DNM3: variants seen among roughly 807,000 people sequenced by gnomAD.
DNM3 encodes dynamin-3.
Under a neutral mutation model 101.6 loss-of-function variants are expected in DNM3, and 47 were observed. The observed-to-expected ratio is 0.46, with a 90% CI of 0.37 to 0.59. The LOEUF (loss-of-function observed/expected upper bound fraction) is 0.59, where lower values mean the gene tolerates loss of function less well. DNM3 is among the 20% of genes least tolerant of loss of function. DNM3 has a pLI of 0.00. For missense variants in DNM3, 849 were observed against 1,085.7 expected (o/e 0.78, Z 3.06); for synonymous variants, 385 against 387.9 (o/e 0.99, Z 0.09).
intron 17 of DNM3, among the ~76,000 whole-genome samples, chr1:172,346,941 G>A (rs1486695270): frequency 6.6e-6 from 1 of 152,068 alleles, no homozygotes; most frequent in African/African-American, 2.4e-5. Flanking sequence ...ACTGTATCCT[G>A]GTCTAAGAAT....
intron 14 of DNM3, among the ~76,000 whole-genome samples, chr1:172,238,760 C>T (rs577121606): frequency 1.8e-4 from 28 of 152,008 alleles, no homozygotes; most frequent in South Asian, 6.2e-4. Flanking sequence ...TAGCAGCTGA[C>T]CCAGGCCATC....
At chr1:172,067,694 T>C (rs1035426294) in intron 10 of DNM3, among the ~76,000 whole-genome samples, 4 of 152,152 alleles carry the variant, frequency 2.6e-5, no homozygotes, top group African/African-American at 7.2e-5. Context: ...CTTTCTTCCT[T>C]ATATTGAAAA....
chr1:171,863,806 A>C (rs529464488), intron 1 of DNM3, among the ~76,000 whole-genome samples: 10 of 152,206 alleles, frequency 6.6e-5, no homozygotes, highest in Admixed American at 2.0e-4. Flanking sequence ...GGATAACTCT[A>C]CTTACAAGAA....
At chr1:172,333,813 A>C (rs2066298799) in intron 17 of DNM3, among the ~76,000 whole-genome samples, 1 of 152,210 alleles carries the variant, frequency 6.6e-6, no homozygotes, top group Admixed American at 6.6e-5. Flanking sequence ...TGTGAAACAA[A>C]AGGATATTAA....
At chr1:172,245,861 C>T (rs1373376595) in intron 14 of DNM3, among the ~76,000 whole-genome samples, 2 of 152,098 alleles carry the variant, frequency 1.3e-5, no homozygotes, top group Non-Finnish European at 2.9e-5. Context: ...GTGTATTAGT[C>T]CATTCTCACA....
At chr1:172,352,151 C>T (rs1028912346) in intron 17 of DNM3, among the ~76,000 whole-genome samples, 1 of 152,166 alleles carries the variant, frequency 6.6e-6, no homozygotes, top group African/African-American at 2.4e-5. Context: ...CAGGAATGCA[C>T]TTTTGAACCT....
intron 13 of DNM3, among the ~76,000 whole-genome samples, chr1:172,124,179 G>T (rs2056485705): frequency 6.6e-6 from 1 of 152,160 alleles, no homozygotes; most frequent in South Asian, 2.1e-4. Flanking sequence ...TGGGAATTTT[G>T]TGAGCCCCCT....
intron 10 of DNM3, 39 bp downstream of exon 10, chr1:172,048,789 G>C (rs2049995916): frequency 1.3e-6 from 2 of 1,597,560 alleles, no homozygotes; most frequent in Admixed American, 3.4e-5. Flanking sequence ...ACGTGGCTTT[G>C]GTTTATCAAC....
At chr1:172,335,230 G>A (rs1344088713) in intron 17 of DNM3, among the ~76,000 whole-genome samples, 2 of 152,092 alleles carry the variant, frequency 1.3e-5, no homozygotes, top group African/African-American at 4.8e-5. Flanking sequence ...CAAAGATTCA[G>A]CTATCCACAT....
chr1:171,863,648 T>A (rs74777828), intron 1 of DNM3, among the ~76,000 whole-genome samples: 2,405 of 152,280 alleles, frequency 0.016, 72 homozygotes, highest in African/African-American at 0.055. Flanking sequence ...TGTCTTTATG[T>A]CCGTTCTCTC....
chr1:171,906,961 T>A lies in DNM3; in HGVS notation c.162-14787T>A, dbSNP rs116036048. On this transcript the variant is annotated intron_variant, in intron 1 of 20. Transcript: ENST00000627582. ...GAGCTGAGATTTGAACCCAAGTCTT[T>A]TTGGAAACAAAATTTGATTCTCACC... Among the ~76,000 whole-genome samples the A allele has an allele frequency of 5.3e-5, 8 of 152,334 alleles. 1 individual carries two copies. Among genetic ancestry groups the A allele is most frequent in the African/African-American group, 1.7e-4 (7 of 41,580 alleles).
chr1:172,169,497 T>G (rs187834956), intron 14 of DNM3, among the ~76,000 whole-genome samples: 2 of 152,080 alleles, frequency 1.3e-5, no homozygotes, highest in South Asian at 2.1e-4. Context: ...TTTCAAATGG[T>G]TGAGCCTGAC....
intron 17 of DNM3, among the ~76,000 whole-genome samples, chr1:172,363,254 C>G (rs2067839350): frequency 6.6e-6 from 1 of 151,872 alleles, no homozygotes; most frequent in Admixed American, 6.6e-5. Flanking sequence ...TCTACATTTT[C>G]TGTTGTGGCT....
chr1:172,232,220 A>C (rs2061365119), intron 14 of DNM3, among the ~76,000 whole-genome samples: 2 of 152,180 alleles, frequency 1.3e-5, no homozygotes, highest in African/African-American at 4.8e-5. Flanking sequence ...GAAAACAAAA[A>C]AAGGCAGGGG....
intron 14 of DNM3, among the ~76,000 whole-genome samples, chr1:172,163,956 TAC>T (rs10536417): frequency 0.21 from 30,554 of 147,046 alleles, 4,420 homozygotes; most frequent in African/African-American, 0.41. Context: ...TACATATATA[TAC>T]ACACACACAC....
chr1:172,294,686 G>T (rs1049640348), intron 15 of DNM3, among the ~76,000 whole-genome samples: 2 of 152,130 alleles, frequency 1.3e-5, no homozygotes, highest in African/African-American at 4.8e-5. Flanking sequence ...GCCAACACAG[G>T]AGGATCGTTT....
intron 14 of DNM3, chr1:172,140,321 T>C (rs568806176): frequency 3.3e-5 from 5 of 152,088 alleles, no homozygotes; most frequent in African/African-American, 1.2e-4. Context: ...AAAGGAACTT[T>C]TTTTTTTTCT....
At chr1:172,093,735 A>G in intron 13 of DNM3, 3 of 1,606,152 alleles carry the variant, frequency 1.9e-6, no homozygotes, top group Non-Finnish European at 2.5e-6. Context: ...TGTACGAGCT[A>G]AGTTCTGTAA....
chr1:172,294,958 C>T (rs1055223720), intron 15 of DNM3, among the ~76,000 whole-genome samples: 3 of 151,836 alleles, frequency 2.0e-5, no homozygotes, highest in Non-Finnish European at 2.9e-5. Flanking sequence ...TCACTTTCCC[C>T]CTTCTCTATT....
Sources: allele counts gnomAD v4.1 joint callset (sites outside exome capture counted in the v4.1 genomes callset), GRCh38; gene constraint gnomAD v4.1.1; transcripts MANE v1.5; gene names NCBI Gene and HGNC (gene_info 2026-07-23, HGNC 2026-07-21).